The following RNF169 variants were observed in gnomAD, a reference collection of about 807,000 sequenced individuals.
RNF169 encodes the protein E3 ubiquitin-protein ligase RNF169.
RNF169 carries 24 observed loss-of-function variants against 53.9 expected under a neutral mutation model. The observed-to-expected ratio is 0.45, with a 90% CI of 0.32 to 0.63. The LOEUF is 0.63. Among genes scored for constraint, RNF169 ranks in the 20% least tolerant of loss-of-function variants. RNF169 has a pLI of 0.04. For synonymous variants in RNF169, 396 were observed against 363.5 expected (o/e 1.09, Z -1.02); for missense variants, 883 against 906.2 (o/e 0.97, Z 0.33).
At chr11:74,786,253 T>G (rs1171467097) in intron 1 of RNF169, among the ~76,000 whole-genome samples, 2 of 151,314 alleles carry the variant, frequency 1.3e-5, no homozygotes, top group African/African-American at 4.9e-5. Flanking sequence ...TCTTTTTTTT[T>G]TTTTTTTTTA....
chr11:74,776,676 G>T (rs1237606549), intron 1 of RNF169, among the ~76,000 whole-genome samples: 1 of 152,170 alleles, frequency 6.6e-6, no homozygotes, highest in African/African-American at 2.4e-5. Context: ...TGCCATGAGG[G>T]CCTACAGGAA....
chr11:74,761,250 C>T (rs970496441), intron 1 of RNF169, among the ~76,000 whole-genome samples: 13 of 147,664 alleles, frequency 8.8e-5, no homozygotes, highest in Middle Eastern at 3.5e-3. Flanking sequence ...ACTGATGGGT[C>T]ATGACTCTTT....
At position 74,749,000 on chromosome 11, in the gene RNF169, C is replaced by A. The variant is rs1230080586; in HGVS notation, c.120C>A (p.Gly40=). The change falls in exon 1 of 6, where the codon GGC becomes GGA. Residue 40 remains glycine, a synonymous_variant. Coordinates refer to ENST00000299563, the MANE Select transcript of RNF169 (RefSeq NM_001098638.2). ...ETAAAKTGAP[G]PASGPSLLVL... ...CGGCAGCTAAGACTGGGGCCCCAGG[C>A]CCGGCTTCTGGACCTTCGCTGTTGG... 1.3e-6 allele frequency: 2 copies of A among 1,499,842 alleles called. No homozygotes were observed. Among genetic ancestry groups the A allele is most frequent in the Non-Finnish European group, 1.8e-6 (2 of 1,120,682 alleles). 92.9% of individuals were successfully genotyped at this position (1,499,842 alleles called of 1,614,324 possible).
At chr11:74,823,405 A>C (rs1289049301) in intron 4 of RNF169, among the ~76,000 whole-genome samples, 2 of 152,186 alleles carry the variant, frequency 1.3e-5, no homozygotes, top group Non-Finnish European at 2.9e-5. Flanking sequence ...GAAACTAATC[A>C]AAAGTTTACA....
chr11:74,777,177 AT>A (rs2035348644), intron 1 of RNF169, among the ~76,000 whole-genome samples: 1 of 152,246 alleles, frequency 6.6e-6, no homozygotes, highest in Admixed American at 6.5e-5. Context: ...CATTTTATGA[AT>A]GAAGAAACAG....
At position 74,785,188 on chromosome 11, in the gene RNF169, TATATATATGATATATATATATG is replaced by T. The variant is rs1369828408; in HGVS notation, c.503-4429_503-4408del. On this transcript the variant is annotated intron_variant, in intron 1 of 5. Transcript: ENST00000299563. ...ATATATATATGATATATATATATGA[TATATATATGATATATATATATG>T]ATATATATATGTTATATATATTATA... Among the ~76,000 whole-genome samples, 73 of 121,220 alleles carry T rather than the reference TATATATATGATATATATATATG, an allele frequency of 6.0e-4. No homozygotes were observed. In the East Asian group the frequency reaches 0.012, roughly 20 times the overall value. 79.5% of individuals were successfully genotyped at this position (121,220 alleles called of 152,430 possible).
chr11:74,817,294 TG>T (rs951883248), intron 3 of RNF169, among the ~76,000 whole-genome samples: 11 of 152,224 alleles, frequency 7.2e-5, no homozygotes, highest in African/African-American at 9.6e-5. Context: ...TTAGAAGTGT[TG>T]GAGTACCTAA....
At chr11:74,834,303 G>A (rs1187308416) in intron 4 of RNF169, among the ~76,000 whole-genome samples, 7 of 152,174 alleles carry the variant, frequency 4.6e-5, no homozygotes, top group Non-Finnish European at 8.8e-5. Context: ...TTGAAGAGAG[G>A]TTTGGGTCTA....
At chr11:74,805,667 C>T (rs974478716) in intron 2 of RNF169, among the ~76,000 whole-genome samples, 2 of 152,100 alleles carry the variant, frequency 1.3e-5, no homozygotes, top group African/African-American at 2.4e-5. Context: ...AGGCACTAAC[C>T]GTAAGGTAAA....
chr11:74,828,769 G>T (rs2135144284), intron 4 of RNF169, among the ~76,000 whole-genome samples: 1 of 152,262 alleles, frequency 6.6e-6, no homozygotes, highest in South Asian at 2.1e-4. Context: ...GTGGTGCTGG[G>T]AGAACTGGTT....
chr11:74,754,272 A>G (rs879828538), intron 1 of RNF169, among the ~76,000 whole-genome samples: 13 of 152,202 alleles, frequency 8.5e-5, no homozygotes, highest in Non-Finnish European at 1.3e-4. Context: ...TGAACTATAC[A>G]TTGCAGCCAC....
intron 1 of RNF169, among the ~76,000 whole-genome samples, chr11:74,785,162 TATATATATATG>T (rs1342084259): frequency 1.6e-5 from 2 of 126,504 alleles, no homozygotes; most frequent in Admixed American, 8.2e-5. Context: ...TATTTTTATA[TATATATATATG>T]ATATATATAT....
At position 74,829,536 on chromosome 11, in the gene RNF169, C is replaced by T. The variant is rs569967706; in HGVS notation, c.843-5140C>T. On this transcript the variant is annotated intron_variant, in intron 4 of 5. Transcript: ENST00000299563. Reference sequence around the variant, plus strand: ...TATATCATTCCCTTATAAAAATACACGCACATGTGTGTTCATTGCAGCACT... The same window carrying T: ...TATATCATTCCCTTATAAAAATACATGCACATGTGTGTTCATTGCAGCACT... 3.4e-4 allele frequency among the ~76,000 whole-genome samples: 50 copies of T among 148,442 alleles called. 1 individual carries two copies. In the South Asian group the frequency reaches 7.5e-3, roughly 22 times the overall value.
In RNF169 at chr11:74,841,103, A is replaced by C. The variant is rs1735921603; in HGVS notation, c.*4373A>C. 6.6e-6 allele frequency: 1 copy of C among 152,156 alleles called. No homozygotes were observed. Among genetic ancestry groups the C allele is most frequent in the South Asian group, 2.1e-4 (1 of 4,828 alleles). The allele number at this position is 152,156 out of a possible 1,614,324, so 9.4% of individuals were successfully genotyped here. On this transcript the variant is annotated 3_prime_UTR_variant, in exon 6 of 6. Coordinates refer to ENST00000299563, the MANE Select transcript of RNF169 (RefSeq NM_001098638.2). ...AAAGTGATATATTTTGATTGGAATA[A>C]TTTTAATTAAATTTAATGATTTTAA...
At chr11:74,827,090 C>T (rs1365946544) in intron 4 of RNF169, among the ~76,000 whole-genome samples, 1 of 152,218 alleles carries the variant, frequency 6.6e-6, no homozygotes, top group East Asian at 1.9e-4. Flanking sequence ...GCTCCAGGCT[C>T]CACCGCTGCA....
chr11:74,765,368 G>A (rs186115344), intron 1 of RNF169, among the ~76,000 whole-genome samples: 2 of 152,008 alleles, frequency 1.3e-5, no homozygotes, highest in Non-Finnish European at 2.9e-5. Context: ...AGGAAGTTTC[G>A]ACACATATGA....
At position 74,840,144 on chromosome 11, in the gene RNF169, CTCA is replaced by C. The variant is rs2036332099; in HGVS notation, c.*3417_*3419del. On this transcript the variant is annotated 3_prime_UTR_variant, in exon 6 of 6. Coordinates refer to ENST00000299563, the MANE Select transcript of RNF169 (RefSeq NM_001098638.2). The stretch of plus-strand genomic sequence containing the variant: ...GACTCATGTAGCTGATGACCGAAGG[CTCA>C]TCCTTTCTTTTCTATTTGACAGACA... The C allele has an allele frequency of 6.6e-6, 1 of 152,156 alleles. No homozygotes were observed. Among genetic ancestry groups the C allele is most frequent in the Non-Finnish European group, 1.5e-5 (1 of 68,038 alleles). 9.4% of individuals were successfully genotyped at this position (152,156 alleles called of 1,614,324 possible).
At chr11:74,773,613 A>T (rs569078457) in intron 1 of RNF169, among the ~76,000 whole-genome samples, 1 of 152,284 alleles carries the variant, frequency 6.6e-6, no homozygotes, top group East Asian at 1.9e-4. Flanking sequence ...ATGAGGTCAG[A>T]AGGGTTGTAA....
intron 1 of RNF169, among the ~76,000 whole-genome samples, chr11:74,762,605 C>T (rs577289032): frequency 2.6e-4 from 39 of 151,964 alleles, no homozygotes; most frequent in African/African-American, 9.5e-4. Flanking sequence ...AGCTGTAGAC[C>T]GGAGCTGTTC....
Sources: gnomAD v4.1 joint callset for allele counts (sites outside exome capture counted in the v4.1 genomes callset) on GRCh38, gnomAD v4.1.1 for gene constraint, MANE v1.5 for transcripts, NCBI Gene and HGNC (gene_info 2026-07-23, HGNC 2026-07-21) for gene names.